The following RORB variants were observed in gnomAD, a reference collection of about 807,000 sequenced individuals.
RORB encodes the protein nuclear receptor ROR-beta.
Under a neutral mutation model 59.1 loss-of-function variants are expected in RORB, and 6 were observed. That is an observed-to-expected ratio of 0.10 (90% CI 0.06 to 0.20). RORB has a LOEUF of 0.20. RORB is among the 10% of genes least tolerant of loss of function. RORB has a pLI of 1.00. For missense variants in RORB, 320 were observed against 560.5 expected (o/e 0.57, Z 4.33); for synonymous variants, 215 against 204.5 (o/e 1.05, Z -0.44).
At chr9:74,640,103 A>C (rs1587400124) in intron 3 of RORB, among the ~76,000 whole-genome samples, 1 of 152,222 alleles carries the variant, frequency 6.6e-6, no homozygotes, top group East Asian at 1.9e-4. Context: ...CTAAGATGGA[A>C]AGGGGAGTTT....
intron 1 of RORB, among the ~76,000 whole-genome samples, chr9:74,554,377 C>G (rs1826659408): frequency 6.6e-6 from 1 of 152,122 alleles, no homozygotes; most frequent in Non-Finnish European, 1.5e-5. Flanking sequence ...GCCCTCCTAT[C>G]CTACATCAGG....
chr9:74,532,060 G>A (rs1406106124), intron 1 of RORB, among the ~76,000 whole-genome samples: 1 of 151,892 alleles, frequency 6.6e-6, no homozygotes, highest in East Asian at 1.9e-4. Context: ...AACATATAAT[G>A]CTGTGGAATC....
Position 74,688,516 on chromosome 9 carries a change from C to G in RORB, c.*2898C>G, listed in dbSNP as rs17692795. 1 of 151,868 alleles carries G rather than the reference C, an allele frequency of 6.6e-6. No homozygotes were observed. The highest frequency in any genetic ancestry group is 1.5e-5 in the Non-Finnish European group (1 of 68,002). 9.4% of individuals were successfully genotyped at this position (151,868 alleles called of 1,614,324 possible). ...AATCCACAATCTGGGCTTCTCACTT[C>G]GTGCTTCATAAATGACAATCACTGC... On this transcript the variant is annotated 3_prime_UTR_variant, in exon 10 of 10. Coordinates refer to ENST00000376896, the MANE Select transcript of RORB (RefSeq NM_006914.4).
intron 1 of RORB, among the ~76,000 whole-genome samples, chr9:74,566,180 G>A (rs963080773): frequency 6.6e-6 from 1 of 151,962 alleles, no homozygotes; most frequent in African/African-American, 2.4e-5. Context: ...TCCAAGACCA[G>A]GGAAATCCAT....
intron 1 of RORB, among the ~76,000 whole-genome samples, chr9:74,559,578 G>C (rs752088782): frequency 1.3e-5 from 2 of 152,042 alleles, no homozygotes; most frequent in Admixed American, 6.6e-5. Flanking sequence ...TATTGATAGA[G>C]CTAAAAACCT....
chr9:74,611,582 C>G (rs1308996827), intron 1 of RORB, among the ~76,000 whole-genome samples: 1 of 152,162 alleles, frequency 6.6e-6, no homozygotes, highest in Non-Finnish European at 1.5e-5. Flanking sequence ...CCTATATGGT[C>G]CCCCAGTGTT....
intron 4 of RORB, among the ~76,000 whole-genome samples, chr9:74,660,006 T>C (rs1038201781): frequency 2.6e-5 from 4 of 152,118 alleles, no homozygotes; most frequent in African/African-American, 9.7e-5. Context: ...GCCAATATTG[T>C]ATTGTGTACA....
In RORB at chr9:74,600,496, A is replaced by G. The variant is rs181073756; in HGVS notation, c.8-29786A>G. Among the ~76,000 whole-genome samples the G allele has an allele frequency of 1.3e-3, 203 of 152,236 alleles. 1 individual carries two copies. The highest frequency in any genetic ancestry group is 7.4e-3 in the East Asian group (38 of 5,166). ...AACTTCATGAAGTCCTTCTGAGGCA[A>G]TTGGTGTTTCTGGGATCACTGATGG... On this transcript the variant is annotated intron_variant, in intron 1 of 9. Transcript: ENST00000376896.
intron 1 of RORB, among the ~76,000 whole-genome samples, chr9:74,544,928 T>G (rs370188396): frequency 1.5e-4 from 23 of 152,136 alleles, no homozygotes; most frequent in Non-Finnish European, 3.1e-4. Flanking sequence ...CAGGCACAAA[T>G]GGGGAGGCCA....
intron 1 of RORB, among the ~76,000 whole-genome samples, chr9:74,613,506 G>A (rs1297880121): frequency 6.6e-6 from 1 of 152,152 alleles, no homozygotes; most frequent in Non-Finnish European, 1.5e-5. Context: ...AGGGTCTTCA[G>A]TCCCTGCTGC....
At chr9:74,658,826 A>T (rs1377156819) in intron 4 of RORB, among the ~76,000 whole-genome samples, 1 of 152,208 alleles carries the variant, frequency 6.6e-6, no homozygotes, top group Non-Finnish European at 1.5e-5. Flanking sequence ...GAGAATGTTC[A>T]ATTAAACTTT....
chr9:74,609,817 C>A (rs911148952), intron 1 of RORB, among the ~76,000 whole-genome samples: 7 of 152,082 alleles, frequency 4.6e-5, no homozygotes, highest in African/African-American at 1.4e-4. Flanking sequence ...GTCAACTGGG[C>A]CTATTTTGTC....
chr9:74,622,297 A>G lies in RORB; in HGVS notation c.8-7985A>G, dbSNP rs543393934. On this transcript the variant is annotated intron_variant, in intron 1 of 9. Coordinates refer to ENST00000376896, the MANE Select transcript of RORB (RefSeq NM_006914.4). ...ACGAGTTTTATTTACTGAAGCAAATAATTCTGTTTCTTCTTTTCATAACTG... is the reference window on the plus strand; with the variant it reads ...ACGAGTTTTATTTACTGAAGCAAATGATTCTGTTTCTTCTTTTCATAACTG... 3.9e-5 allele frequency among the ~76,000 whole-genome samples: 6 copies of G among 152,268 alleles called. No individual in the cohort carries two copies. In the East Asian group the frequency reaches 5.8e-4, roughly 15 times the overall value.
chr9:74,683,760 G>C (rs117746976), intron 9 of RORB, among the ~76,000 whole-genome samples: 1 of 151,944 alleles, frequency 6.6e-6, no homozygotes, highest in Admixed American at 6.6e-5. Context: ...TTTTCCTCCC[G>C]CTATTCTTCT....
intron 8 of RORB, 121 bp downstream of exon 8, chr9:74,668,022 C>A (rs1824294594): frequency 1.6e-6 from 1 of 635,514 alleles, no homozygotes; most frequent in Admixed American, 2.8e-5. Flanking sequence ...ATTTTCTTTA[C>A]CAAGTTTTTG....
At chr9:74,631,570 T>C (rs940705293) in intron 2 of RORB, among the ~76,000 whole-genome samples, 7 of 152,078 alleles carry the variant, frequency 4.6e-5, no homozygotes, top group Admixed American at 2.0e-4. Context: ...GCCTTCCTAA[T>C]GGTCTCAAAA....
chr9:74,664,843 G>A lies in RORB; in HGVS notation c.893-645G>A, dbSNP rs987665727. On this transcript the variant is annotated intron_variant, in intron 6 of 9. Transcript: ENST00000376896. ...CTGTTAACTTCAACTGCACTATGGGGCAAAAGCCCATTTCTCCAAAACATG... is the reference window on the plus strand; with the variant it reads ...CTGTTAACTTCAACTGCACTATGGGACAAAAGCCCATTTCTCCAAAACATG... Among the ~76,000 whole-genome samples, 7 of 152,188 alleles carry A rather than the reference G, an allele frequency of 4.6e-5. No individual in the cohort carries two copies. In the South Asian group the frequency reaches 6.2e-4, roughly 14 times the overall value.
Position 74,627,366 on chromosome 9 carries a change from C to T in RORB, c.8-2916C>T, listed in dbSNP as rs1823537908. 4.6e-5 allele frequency among the ~76,000 whole-genome samples: 7 copies of T among 152,080 alleles called. No homozygotes were observed. The South Asian group carries it at 1.5e-3, about 32-fold the overall frequency. ...TAACCCCTTTCCACACACAGCTATACACATATACCATTTTAAGTGACTTAT... is the reference window on the plus strand; with the variant it reads ...TAACCCCTTTCCACACACAGCTATATACATATACCATTTTAAGTGACTTAT... On this transcript the variant is annotated intron_variant, in intron 1 of 9. Coordinates refer to ENST00000376896, the MANE Select transcript of RORB (RefSeq NM_006914.4).
chr9:74,627,996 A>G (rs1030237850), intron 1 of RORB, among the ~76,000 whole-genome samples: 1 of 152,170 alleles, frequency 6.6e-6, no homozygotes, highest in African/African-American at 2.4e-5. Context: ...TCAGCATTTT[A>G]CAAGGTGCTT....
Sources: gnomAD v4.1 joint callset for allele counts (sites outside exome capture counted in the v4.1 genomes callset) on GRCh38, gnomAD v4.1.1 for gene constraint, MANE v1.5 for transcripts, NCBI Gene and HGNC (gene_info 2026-07-23, HGNC 2026-07-21) for gene names.